The following CDH18 variants were observed in gnomAD, a reference collection of about 807,000 sequenced individuals.
CDH18 encodes the protein cadherin 18, also known as cadherin-18.
Under a neutral mutation model 67.9 loss-of-function variants are expected in CDH18, and 31 were observed. The observed-to-expected ratio is 0.46, with a 90% confidence interval of 0.34 to 0.62. The LOEUF (loss-of-function observed/expected upper bound fraction) is 0.62. CDH18 is among the 20% of genes least tolerant of loss of function. The pLI is 0.01. For synonymous variants in CDH18, 362 were observed against 347.2 expected, an observed-to-expected ratio of 1.04 and a Z score of -0.48; for missense variants, 890 against 975.5, an observed-to-expected ratio of 0.91 and a Z score of 1.17.
Position 19,922,993 on chromosome 5 carries a change from T to C in CDH18, c.-257+58067A>G, listed in dbSNP as rs73059676. 9.4e-3 allele frequency among the ~76,000 whole-genome samples: 1,430 copies of C among 152,278 alleles called. 16 individuals are homozygous for C. The highest frequency in any genetic ancestry group is 0.03 in the African/African-American group (1,253 of 41,564). On this transcript the variant is annotated intron_variant, in intron 2 of 12. Coordinates refer to ENST00000382275, the MANE Select transcript of CDH18 (RefSeq NM_004934.5). Reference sequence around the variant, plus strand: ...ATTTTTAATTTGAAGTATGTGACCATCCTCTAATGATAAAGTGACGTCTCT... The same window carrying C: ...ATTTTTAATTTGAAGTATGTGACCACCCTCTAATGATAAAGTGACGTCTCT...
At chr5:20,516,616 A>G (rs1237824821) in intron 1 of CDH18, among the ~76,000 whole-genome samples, 1 of 151,912 alleles carries the variant, frequency 6.6e-6, no homozygotes, top group Non-Finnish European at 1.5e-5. Context: ...AAAAGTAGAC[A>G]GACTTTATGT....
At chr5:20,149,917 C>T (rs1018646645) in intron 2 of CDH18, among the ~76,000 whole-genome samples, 4 of 151,974 alleles carry the variant, frequency 2.6e-5, no homozygotes, top group Non-Finnish European at 5.9e-5. Flanking sequence ...AAGTTACATT[C>T]CTAAATTGAT....
intron 2 of CDH18, among the ~76,000 whole-genome samples, chr5:20,242,628 A>G (rs1345454778): frequency 1.6e-5 from 2 of 127,574 alleles, no homozygotes; most frequent in Non-Finnish European, 3.2e-5. Context: ...ATATATATAT[A>G]TATATGTATA....
chr5:19,555,748 G>C (rs1738289725), intron 8 of CDH18, among the ~76,000 whole-genome samples: 2 of 152,142 alleles, frequency 1.3e-5, no homozygotes, highest in South Asian at 4.1e-4. Flanking sequence ...TTGACTGCCT[G>C]ATCCTCCCTA....
intron 2 of CDH18, among the ~76,000 whole-genome samples, chr5:20,216,289 T>A (rs969529447): frequency 6.6e-6 from 1 of 151,934 alleles, no homozygotes; most frequent in African/African-American, 2.4e-5. Context: ...CCAAAAGACT[T>A]GCCCAATGCA....
At chr5:19,831,410 A>AG (rs1467307893) in intron 3 of CDH18, among the ~76,000 whole-genome samples, 1 of 151,926 alleles carries the variant, frequency 6.6e-6, no homozygotes, top group Non-Finnish European at 1.5e-5. Flanking sequence ...GGAACATAAG[A>AG]GAAAAAGCAA....
intron 2 of CDH18, among the ~76,000 whole-genome samples, chr5:20,057,227 T>C (rs374989014): frequency 2.0e-5 from 3 of 152,084 alleles, no homozygotes; most frequent in African/African-American, 7.2e-5. Flanking sequence ...ACATCATTCA[T>C]TAATCCCTAT....
intron 2 of CDH18, among the ~76,000 whole-genome samples, chr5:20,124,422 T>A (rs1748648253): frequency 6.6e-6 from 1 of 152,176 alleles, no homozygotes; most frequent in Non-Finnish European, 1.5e-5. Context: ...CTCAGTTACA[T>A]CTAATACAAG....
intron 3 of CDH18, among the ~76,000 whole-genome samples, chr5:19,838,525 C>T (rs1781923764): frequency 6.6e-6 from 1 of 152,086 alleles, no homozygotes; most frequent in Admixed American, 6.6e-5. Context: ...TATGAATATG[C>T]AGTCTTGTAC....
At chr5:20,316,266 A>G (rs1356974503) in intron 1 of CDH18, among the ~76,000 whole-genome samples, 1 of 152,090 alleles carries the variant, frequency 6.6e-6, no homozygotes, top group Non-Finnish European at 1.5e-5. Context: ...AATTTGTGTA[A>G]ATGACATTAT....
rs151073201 is a variant in CDH18, at chr5:19,715,194, AAAATG to A, written c.643+6148_643+6152del. ...ACTTAATATTTTTCCTCACTGAGCA[AAAATG>A]AAATGAAATAAATTTGGGGAGGTAA... On this transcript the variant is annotated intron_variant, in intron 5 of 12. Transcript: ENST00000382275. 7.6e-3 allele frequency among the ~76,000 whole-genome samples: 1,157 copies of A among 152,274 alleles called. 15 individuals are homozygous for A. The highest frequency in any genetic ancestry group is 0.026 in the African/African-American group (1,097 of 41,570).
intron 5 of CDH18, among the ~76,000 whole-genome samples, chr5:19,628,789 A>G (rs1410057956): frequency 1.3e-5 from 2 of 152,170 alleles, no homozygotes. Context: ...GCATAAAGAT[A>G]CTACTTAAAG....
chr5:20,547,040 G>A lies in CDH18; in HGVS notation c.-580+28422C>T, dbSNP rs188281032. On this transcript the variant is annotated intron_variant, in intron 1 of 14. Coordinates refer to the CDH18 transcript ENST00000507958. ...CTGTCTATCAAAACACAGAGATGGC[G>A]CTAGTGAAAAATCAGAAAACTAAAA... Among the ~76,000 whole-genome samples the A allele has an allele frequency of 1.1e-4, 16 of 152,098 alleles. No homozygotes were observed. In the East Asian group the frequency reaches 1.4e-3, roughly 13 times the overall value.
At chr5:20,085,876 T>A (rs1484770945) in intron 2 of CDH18, among the ~76,000 whole-genome samples, 1 of 152,168 alleles carries the variant, frequency 6.6e-6, no homozygotes, top group Non-Finnish European at 1.5e-5. Flanking sequence ...AGCCAAACCA[T>A]ACTAATTAGT....
chr5:19,569,571 C>CTG (rs1399153128), intron 8 of CDH18, among the ~76,000 whole-genome samples: 1 of 151,920 alleles, frequency 6.6e-6, no homozygotes, highest in Non-Finnish European at 1.5e-5. Flanking sequence ...GTATGTGTGT[C>CTG]TATGTGTGTG....
chr5:20,090,072 T>A, intron 2 of CDH18, among the ~76,000 whole-genome samples: 1 of 152,198 alleles, frequency 6.6e-6, no homozygotes, highest in East Asian at 1.9e-4. Context: ...TATGACAATT[T>A]CACATGGTTT....
intron 2 of CDH18, among the ~76,000 whole-genome samples, chr5:20,163,837 T>G (rs1736077363): frequency 6.6e-6 from 1 of 152,236 alleles, no homozygotes. Flanking sequence ...TGCATATTTT[T>G]TACATAGAAA....
intron 1 of CDH18, among the ~76,000 whole-genome samples, chr5:20,336,918 G>A (rs559058461): frequency 7.0e-4 from 107 of 151,988 alleles, no homozygotes; most frequent in Non-Finnish European, 1.3e-3. Context: ...TTTTGCTCAG[G>A]CACTCATGGA....
chr5:20,073,339 C>T (rs1743648588), intron 2 of CDH18, among the ~76,000 whole-genome samples: 1 of 151,784 alleles, frequency 6.6e-6, no homozygotes, highest in Non-Finnish European at 1.5e-5. Context: ...AGCTGCAGTA[C>T]CTTACCTTAC....
Sources: allele counts gnomAD v4.1 joint callset (sites outside exome capture counted in the v4.1 genomes callset), GRCh38; gene constraint gnomAD v4.1.1; transcripts MANE v1.5; gene names NCBI Gene and HGNC (gene_info 2026-07-23, HGNC 2026-07-21).